Variants in MYO9A observed in about 807,000 individuals in gnomAD.
MYO9A encodes the protein myosin IXA.
In MYO9A, 103 loss-of-function variants were observed where a neutral mutation model predicts 293.3. The observed-to-expected ratio is 0.35, with a 90% CI of 0.30 to 0.41. The LOEUF is 0.41. Among genes scored for constraint, MYO9A ranks in the 10% least tolerant of loss-of-function variants. MYO9A has a pLI of 1.00. For synonymous variants in MYO9A, 1,001 were observed against 1,035.7 expected (o/e 0.97, Z 0.64); for missense variants, 2,685 against 3,033.0 (o/e 0.89, Z 2.69).
intron 14 of MYO9A, among the ~76,000 whole-genome samples, chr15:71,956,310 T>C (rs1368420336): frequency 2.7e-4 from 10 of 36,748 alleles, no homozygotes; most frequent in Non-Finnish European, 5.3e-4. Flanking sequence ...ACCCGGCTCT[T>C]AAAAAAAAAA....
chr15:72,007,910 G>T lies in MYO9A; in HGVS notation c.1296C>A (p.Ile432=), dbSNP rs1400306314. ...CCCGGTATGTCTTCTTTTTGTAACAGATATTACCCAAATGTAGTATGGCTG... is the reference window on the plus strand; with the variant it reads ...CCCGGTATGTCTTCTTTTTGTAACATATATTACCCAAATGTAGTATGGCTG... ...LLSAILHLGN[I]CYKKKTYRDD... is the part of the protein sequence containing the mutation. The change falls in exon 8 of 42, where the codon ATC becomes ATA. Residue 432 remains isoleucine, a synonymous_variant. Transcript: ENST00000356056. The T allele has an allele frequency of 2.5e-6, 4 of 1,613,002 alleles. No individual in the cohort carries two copies. The South Asian group carries it at 3.3e-5, about 13-fold the overall frequency.
At chr15:71,849,998 C>T (rs759259565) in intron 38 of MYO9A, 38 bp downstream of exon 38, 132 of 1,595,942 alleles carry the variant, frequency 8.3e-5, no homozygotes, top group Non-Finnish European at 1.1e-4. Flanking sequence ...AGTCAGAAGT[C>T]CCTGAGGTCT....
rs555293836 is a variant in MYO9A at position 72,117,848 on chromosome 15, C to T, written c.-240G>A. On this transcript the variant is annotated 5_prime_UTR_variant, in exon 1 of 42. Coordinates refer to ENST00000356056, the MANE Select transcript of MYO9A (RefSeq NM_006901.4). ...CAGCCTCAGGGTCCGGGCGAGCGGC[C>T]GCGGCGCATCCCCCGCCCTGTCAGA... 3.4e-4 allele frequency: 137 copies of T among 398,628 alleles called. 1 individual carries two copies. Among genetic ancestry groups the T allele is most frequent in the African/African-American group, 2.7e-3 (130 of 48,722 alleles). The allele number at this position is 398,628 out of a possible 1,614,324, so 24.7% of individuals were successfully genotyped here.
chr15:71,859,905 AC>A, intron 33 of MYO9A, 109 bp from the exon 34 acceptor site: 1 of 846,274 alleles, frequency 1.2e-6, no homozygotes. Context: ...TAAATCTCAG[AC>A]TGCTGTAATA....
chr15:71,866,381 A>G (rs997257427), intron 32 of MYO9A, among the ~76,000 whole-genome samples: 3 of 152,172 alleles, frequency 2.0e-5, no homozygotes, highest in Non-Finnish European at 2.9e-5. Flanking sequence ...TAAGTGTAAC[A>G]TGACTGGGCA....
intron 34 of MYO9A, among the ~76,000 whole-genome samples, chr15:71,856,316 G>GA (rs914188908): frequency 1.8e-4 from 27 of 147,702 alleles, no homozygotes; most frequent in Non-Finnish European, 3.4e-4. Flanking sequence ...TGTCTCAAAA[G>GA]AAAAAAAAAG....
At chr15:72,100,518 C>A (rs994395172) in intron 1 of MYO9A, among the ~76,000 whole-genome samples, 3 of 147,272 alleles carry the variant, frequency 2.0e-5, no homozygotes, top group African/African-American at 7.6e-5. Context: ...AGGTGAGGAG[C>A]GCCTCTTTCC....
At chr15:71,883,366 T>G (rs1212725903) in intron 28 of MYO9A, among the ~76,000 whole-genome samples, 1 of 152,236 alleles carries the variant, frequency 6.6e-6, no homozygotes, top group South Asian at 2.1e-4. Flanking sequence ...CAGTCATTTT[T>G]GAGGTGGTTG....
intron 27 of MYO9A, 96 bp from the exon 28 acceptor site, chr15:71,883,832 A>G: frequency 9.3e-7 from 1 of 1,076,910 alleles, no homozygotes; most frequent in Non-Finnish European, 1.3e-6. Context: ...TTCTATGTAT[A>G]TTAGCTCATT....
At chr15:72,114,123 T>C (rs1320444510) in intron 1 of MYO9A, 1 of 152,192 alleles carries the variant, frequency 6.6e-6, no homozygotes, top group Non-Finnish European at 1.5e-5. Context: ...TAGGTTCTTT[T>C]TCTTCTTGAG....
At chr15:71,900,151 C>T (rs2057443309) in intron 23 of MYO9A, 145 bp from the exon 24 acceptor site, 1 of 887,578 alleles carries the variant, frequency 1.1e-6, no homozygotes, top group Non-Finnish European at 1.7e-6. Flanking sequence ...AATAAGTTTT[C>T]TGGCCAGGTG....
chr15:71,894,290 G>A (rs566270152), intron 25 of MYO9A, among the ~76,000 whole-genome samples: 1 of 152,180 alleles, frequency 6.6e-6, no homozygotes, highest in African/African-American at 2.4e-5. Flanking sequence ...AAAACTTGAC[G>A]TTGAGGCTGG....
At chr15:72,007,390 A>T (rs1566943718) in intron 8 of MYO9A, among the ~76,000 whole-genome samples, 1 of 149,238 alleles carries the variant, frequency 6.7e-6, no homozygotes, top group Non-Finnish European at 1.5e-5. Flanking sequence ...TCAACCCATA[A>T]GGGAAAAAAA....
intron 10 of MYO9A, 99 bp from the exon 11 acceptor site, chr15:71,991,336 G>A: frequency 1.0e-6 from 1 of 954,870 alleles, no homozygotes; most frequent in Non-Finnish European, 1.6e-6. Context: ...TTCCTCTAAA[G>A]CAGTGTACAG....
At chr15:71,918,350 AT>A (rs546368758) in intron 18 of MYO9A, among the ~76,000 whole-genome samples, 4 of 152,206 alleles carry the variant, frequency 2.6e-5, no homozygotes, top group Non-Finnish European at 5.9e-5. Flanking sequence ...ACTTCAAAAA[AT>A]AATGAAAAAT....
At chr15:72,088,182 C>T (rs1215790931) in intron 1 of MYO9A, among the ~76,000 whole-genome samples, 10 of 152,108 alleles carry the variant, frequency 6.6e-5, no homozygotes, top group Non-Finnish European at 2.9e-5. Context: ...TTTTTTAAGC[C>T]ACTCAATCTG....
intron 1 of MYO9A, among the ~76,000 whole-genome samples, chr15:72,103,653 T>TAACAGAAGAAGC (rs2080470907): frequency 2.9e-5 from 3 of 102,174 alleles, no homozygotes; most frequent in Non-Finnish European, 6.5e-5. Context: ...GAAGCAGAAG[T>TAACAGAAGAAGC]AACAGAAGAA....
At chr15:71,980,131 T>A (rs1281799766) in intron 11 of MYO9A, among the ~76,000 whole-genome samples, 1 of 152,122 alleles carries the variant, frequency 6.6e-6, no homozygotes, top group Non-Finnish European at 1.5e-5. Flanking sequence ...TAGGCACAAG[T>A]CAAGCCCCAC....
intron 33 of MYO9A, among the ~76,000 whole-genome samples, chr15:71,861,687 A>AC (rs2056133639): frequency 6.9e-6 from 1 of 145,878 alleles, no homozygotes; most frequent in African/African-American, 2.5e-5. Context: ...TATAAAAAAA[A>AC]AAAAAAAAAA....
Sources: allele counts gnomAD v4.1 joint callset (sites outside exome capture counted in the v4.1 genomes callset), GRCh38; gene constraint gnomAD v4.1.1; transcripts MANE v1.5; gene names NCBI Gene and HGNC (gene_info 2026-07-23, HGNC 2026-07-21).